ZNF557: variants seen among roughly 807,000 people sequenced by gnomAD.
ZNF557 encodes the protein zinc finger protein 557, also known as CTB-25J19.9.
A neutral mutation model predicts 21.2 loss-of-function variants in ZNF557; 19 were observed. That is an observed-to-expected ratio of 0.90 (90% CI 0.63 to 1.32). The LOEUF (loss-of-function observed/expected upper bound fraction) is 1.32, where lower values mean the gene tolerates loss of function less well. Among genes scored for constraint, ZNF557 ranks in the 40% most tolerant of loss-of-function variants. ZNF557 has a pLI of 0.00. For missense variants in ZNF557, 487 were observed against 519.8 expected, an observed-to-expected ratio of 0.94 and a Z score of 0.61; for synonymous variants, 207 against 194.8, an observed-to-expected ratio of 1.06 and a Z score of -0.52.
At chr19:7,077,724 T>C (rs1977616373) in intron 5 of ZNF557, among the ~76,000 whole-genome samples, 6 of 152,306 alleles carry the variant, frequency 3.9e-5, no homozygotes, top group Non-Finnish European at 1.5e-5. Flanking sequence ...TCCAAACTTT[T>C]CTACAACTGC....
intron 2 of ZNF557, among the ~76,000 whole-genome samples, chr19:7,072,204 G>A (rs2032419556): frequency 6.7e-6 from 1 of 150,184 alleles, no homozygotes; most frequent in African/African-American, 2.5e-5. Flanking sequence ...TGGGCAGATC[G>A]CCTGAGGTCA....
Position 7,075,622 on chromosome 19 carries a change from G to A in ZNF557, c.32-33G>A, listed in dbSNP as rs915096749. 1.9e-6 allele frequency: 3 copies of A among 1,607,826 alleles called. No homozygotes were observed. The African/African-American group carries it at 4.0e-5, about 22-fold the overall frequency. ...ATGTGTGAGTGGACACAGGGCAGGT[G>A]TGGATTCCTGGTACTCATTTCTCCT... is the stretch of plus-strand genomic sequence containing the variant. On this transcript the variant is annotated intron_variant, in intron 3 of 7. Coordinates refer to ENST00000252840, the MANE Select transcript of ZNF557 (RefSeq NM_024341.3).
rs753150871 is a variant in ZNF557 at position 7,085,706 on chromosome 19, A to T, written c.*1962A>T. The T allele has an allele frequency of 2.6e-5, 4 of 152,168 alleles. No individual in the cohort carries two copies. The highest frequency in any genetic ancestry group is 5.9e-5 in the Non-Finnish European group (4 of 68,046). 9.4% of individuals were successfully genotyped at this position (152,168 alleles called of 1,614,324 possible). A position where few individuals can be genotyped will look rare whatever the true frequency, so the allele number is the denominator to read the frequency against. ...GCAGTAACTTAGAACAAAAGGTGTA[A>T]GTGCTATGAATGTGGAATTACCTTC... On this transcript the variant is annotated 3_prime_UTR_variant, in exon 8 of 8. Transcript: ENST00000252840.
intron 5 of ZNF557, among the ~76,000 whole-genome samples, chr19:7,079,875 A>C (rs117118870): frequency 6.6e-6 from 1 of 152,190 alleles, no homozygotes; most frequent in South Asian, 2.1e-4. Context: ...CAGCTAAAGC[A>C]TCTTACAACT....
intron 5 of ZNF557, among the ~76,000 whole-genome samples, chr19:7,077,216 G>A (rs796969938): frequency 2.5e-4 from 32 of 128,114 alleles, no homozygotes; most frequent in African/African-American, 9.6e-4. Flanking sequence ...GCTTACTGCA[G>A]CCTCCACCTT....
At chr19:7,074,174 A>T (rs1019010173) in intron 2 of ZNF557, among the ~76,000 whole-genome samples, 9 of 151,352 alleles carry the variant, frequency 5.9e-5, no homozygotes, top group African/African-American at 2.2e-4. Flanking sequence ...CTAATTTTTT[A>T]TTTTTATTTT....
intron 4 of ZNF557, 91 bp downstream of exon 4, chr19:7,075,834 A>G (rs1373962100): frequency 9.0e-6 from 14 of 1,548,152 alleles, no homozygotes; most frequent in Admixed American, 7.3e-5. Flanking sequence ...CCCACGGCCA[A>G]ACTTGTTCCT....
chr19:7,075,113 A>G lies in ZNF557; in HGVS notation c.31+8A>G. 3.1e-6 allele frequency: 5 copies of G among 1,613,994 alleles called. No individual in the cohort carries two copies. Among genetic ancestry groups the G allele is most frequent in the African/African-American group, 1.3e-5 (1 of 74,990 alleles). ...TCCTGCCCCCAACTGCCGGTGAGTCATGGGGTCCTGGCAGTTCTCAGAGTC... is the reference window on the plus strand; with the variant it reads ...TCCTGCCCCCAACTGCCGGTGAGTCGTGGGGTCCTGGCAGTTCTCAGAGTC... On this transcript the variant is annotated splice_region_variant and intron_variant, in intron 3 of 7. Transcript: ENST00000252840.
At chr19:7,078,904 A>G (rs933359131) in intron 5 of ZNF557, among the ~76,000 whole-genome samples, 21 of 152,116 alleles carry the variant, frequency 1.4e-4, no homozygotes, top group African/African-American at 4.3e-4. Context: ...TTGACCTGTC[A>G]TCAAGTTCAC....
At position 7,085,640 on chromosome 19, in the gene ZNF557, A is replaced by G. The variant is rs1977821398; in HGVS notation, c.*1896A>G. 1.3e-5 allele frequency: 2 copies of G among 152,190 alleles called. No individual in the cohort carries two copies. Among genetic ancestry groups the G allele is most frequent in the African/African-American group, 4.8e-5 (2 of 41,444 alleles). 9.4% of individuals were successfully genotyped at this position (152,190 alleles called of 1,614,324 possible). The stretch of plus-strand genomic sequence containing the variant: ...CATTTAGAGGAAGCCCTAGGAACGT[A>G]ATCAATGTTAGGATGCCTCATCTCT... On this transcript the variant is annotated 3_prime_UTR_variant, in exon 8 of 8. Coordinates refer to ENST00000252840, the MANE Select transcript of ZNF557 (RefSeq NM_024341.3).
In ZNF557 at chr19:7,087,614, C is replaced by T. The variant is rs1176696797; in HGVS notation, c.*3870C>T. 1.3e-5 allele frequency: 2 copies of T among 151,682 alleles called. No homozygotes were observed. The highest frequency in any genetic ancestry group is 6.6e-5 in the Admixed American group (1 of 15,204). 9.4% of individuals were successfully genotyped at this position (151,682 alleles called of 1,614,324 possible). On this transcript the variant is annotated 3_prime_UTR_variant, in exon 8 of 8. Transcript: ENST00000252840. ...TTCTTCAAAAACCTTTGATTGGCTG[C>T]ATTGGCTCTGTTCTGCATATTACTA...
chr19:7,074,785 C>G (rs1237564315), intron 2 of ZNF557, among the ~76,000 whole-genome samples: 1 of 43,562 alleles, frequency 2.3e-5, no homozygotes, highest in Non-Finnish European at 4.1e-5. Flanking sequence ...AGGCAGGGCA[C>G]GGACTGGAGG....
At chr19:7,078,691 C>T (rs1456004142) in intron 5 of ZNF557, among the ~76,000 whole-genome samples, 1 of 152,118 alleles carries the variant, frequency 6.6e-6, no homozygotes, top group Non-Finnish European at 1.5e-5. Context: ...CTCGGCTTCC[C>T]AAAGTGCTGT....
intron 5 of ZNF557, among the ~76,000 whole-genome samples, chr19:7,079,194 GTTCAT>G (rs1296276312): frequency 7.0e-6 from 1 of 143,426 alleles, no homozygotes; most frequent in Non-Finnish European, 1.5e-5. Context: ...GAAAATTTCT[GTTCAT>G]TTCTTTTTTC....
Position 7,081,444 on chromosome 19 carries a change from G to GTACC in ZNF557, c.334_337dup (p.Cys113TyrfsTer10), listed in dbSNP as rs755198338. The GTACC allele has an allele frequency of 1.2e-5, 19 of 1,611,350 alleles. No individual in the cohort carries two copies. The highest frequency in any genetic ancestry group is 1.5e-5 in the Non-Finnish European group (18 of 1,177,916). On this transcript the variant is annotated frameshift_variant, in exon 6 of 8. Transcript: ENST00000252840. LOFTEE classifies it high-confidence loss of function. ...ACAGAAGAGAGAGGAATTCTCTCAG[G>GTACC]TACCTGTCCAGGTGAGCACCAGGTG...
chr19:7,083,208 C>G lies in ZNF557; in HGVS notation c.757C>G (p.Pro253Ala). 6.2e-7 allele frequency: 1 copy of G among 1,614,216 alleles called. No individual in the cohort carries two copies. Residue 253 changes from proline (P) to alanine (A), a missense_variant, in exon 8 of 8, where the codon CCG (proline) becomes GCG (alanine). Pro to Ala is a conservative substitution (Grantham distance 27). Coordinates refer to ENST00000252840, the MANE Select transcript of ZNF557 (RefSeq NM_024341.3). ...KTFSNSSYLRPHLRIHTGEKP... is the reference protein window; with the variant it reads ...KTFSNSSYLRAHLRIHTGEKP... ...CTTCAGCAATTCCTCATACCTCAGA[C>G]CGCACTTGAGAATTCACACTGGAGA...
chr19:7,077,436 G>A (rs542295062), intron 5 of ZNF557, among the ~76,000 whole-genome samples: 26 of 152,206 alleles, frequency 1.7e-4, no homozygotes, highest in South Asian at 4.1e-4. Flanking sequence ...ACGCCTGGCC[G>A]ATGTTTTCAA....
chr19:7,075,091 T>C lies in ZNF557; in HGVS notation c.17T>C (p.Leu6Pro). ...AGTCACAGGATGGCGGCTGTCGTCC[T>C]GCCCCCAACTGCCGGTGAGTCATGG... Reference protein sequence around the residue: MAAVVLPPTAALSSLF... With the variant: MAAVVPPPTAALSSLF... The change falls in exon 3 of 8, where the codon CTG becomes CCG. Residue 6 changes from leucine to proline, a missense_variant. Transcript: ENST00000252840. The C allele has an allele frequency of 1.2e-6, 2 of 1,614,084 alleles. No homozygotes were observed. The highest frequency in any genetic ancestry group is 1.7e-6 in the Non-Finnish European group (2 of 1,179,992).
At chr19:7,081,488 G>T (rs1977705067) in intron 6 of ZNF557, 33 bp downstream of exon 6, 1 of 1,436,106 alleles carries the variant, frequency 7.0e-7, no homozygotes, top group South Asian at 1.2e-5. Context: ...TCCTTGTGAG[G>T]AACAGCTCTG....
Sources: gnomAD v4.1 joint callset for allele counts (sites outside exome capture counted in the v4.1 genomes callset) on GRCh38, gnomAD v4.1.1 for gene constraint, MANE v1.5 for transcripts, NCBI Gene and HGNC (gene_info 2026-07-23, HGNC 2026-07-21) for gene names.